The following KIAA0825 variants were observed in gnomAD, a reference collection of about 807,000 sequenced individuals.
KIAA0825 encodes the protein KIAA0825.
In KIAA0825, 119 loss-of-function variants were observed where a neutral mutation model predicts 147.6. The observed-to-expected ratio is 0.81, with a 90% CI of 0.69 to 0.94. The LOEUF is 0.94. Among genes scored for constraint, KIAA0825 ranks in the 40% least tolerant of loss-of-function variants. The probability of loss-of-function intolerance (pLI) is 0.00; values close to 1 mark genes in which losing one functional copy is unlikely to be tolerated. For synonymous variants in KIAA0825, 470 were observed against 518.1 expected (o/e 0.91, Z 1.26); for missense variants, 1,381 against 1,472.7 (o/e 0.94, Z 1.02).
At chr5:94,613,463 T>G (rs1271623884) in intron 1 of KIAA0825, among the ~76,000 whole-genome samples, 1 of 152,218 alleles carries the variant, frequency 6.6e-6, no homozygotes, top group Non-Finnish European at 1.5e-5. Flanking sequence ...CCTCCCAAAG[T>G]GCTGGGATTA....
intron 1 of KIAA0825, among the ~76,000 whole-genome samples, chr5:94,591,758 G>GA (rs1160648858): frequency 1.3e-5 from 2 of 152,094 alleles, no homozygotes; most frequent in African/African-American, 4.8e-5. Context: ...AATTTATAAA[G>GA]AAAAATAGGT....
At chr5:94,414,468 G>A (rs183422769) in intron 15 of KIAA0825, 2 of 152,190 alleles carry the variant, frequency 1.3e-5, no homozygotes, top group East Asian at 3.9e-4. Flanking sequence ...CCCACATTAG[G>A]TCACTGACTT....
intron 3 of KIAA0825, among the ~76,000 whole-genome samples, chr5:94,529,721 T>G (rs895848946): frequency 6.6e-6 from 1 of 152,110 alleles, no homozygotes; most frequent in Admixed American, 6.6e-5. Context: ...TGTGTTACTT[T>G]TATAATGCAA....
chr5:94,530,833 C>T (rs1232283770), intron 3 of KIAA0825, among the ~76,000 whole-genome samples: 1 of 152,086 alleles, frequency 6.6e-6, no homozygotes, highest in Non-Finnish European at 1.5e-5. Context: ...CATCAAGGGT[C>T]GGGGCTTACT....
intron 20 of KIAA0825, among the ~76,000 whole-genome samples, chr5:94,276,896 T>C (rs889664743): frequency 1.2e-4 from 18 of 152,058 alleles, no homozygotes; most frequent in Non-Finnish European, 1.9e-4. Context: ...AGAATTCTTT[T>C]CCTAAGCACA....
intron 17 of KIAA0825, among the ~76,000 whole-genome samples, chr5:94,392,811 T>C (rs1352833565): frequency 6.6e-6 from 1 of 152,134 alleles, no homozygotes; most frequent in Non-Finnish European, 1.5e-5. Context: ...AAAACATCCT[T>C]CTCAGAAAAG....
chr5:94,569,202 G>A, intron 2 of KIAA0825: 1 of 216,106 alleles, frequency 4.6e-6, no homozygotes, highest in Non-Finnish European at 9.1e-6. Context: ...CACTTACCAA[G>A]ACCTCAATCC....
Position 94,386,733 on chromosome 5 carries a change from T to C in KIAA0825, c.3457-329A>G, listed in dbSNP as rs537510778. On this transcript the variant is annotated intron_variant, in intron 18 of 20. Coordinates refer to ENST00000682413, the MANE Select transcript of KIAA0825 (RefSeq NM_001145678.3). Reference sequence around the variant, plus strand: ...TGGTTCACATATTAACGTGTCTGGTTACCAAAACTTAACTCATCTGCATGA... The same window carrying C: ...TGGTTCACATATTAACGTGTCTGGTCACCAAAACTTAACTCATCTGCATGA... 1.2e-3 allele frequency among the ~76,000 whole-genome samples: 179 copies of C among 152,332 alleles called. 1 individual carries two copies. Among genetic ancestry groups the C allele is most frequent in the African/African-American group, 4.0e-3 (166 of 41,580 alleles).
At chr5:94,448,550 A>G (rs942303063) in intron 13 of KIAA0825, among the ~76,000 whole-genome samples, 25 of 152,178 alleles carry the variant, frequency 1.6e-4, no homozygotes, top group Non-Finnish European at 3.4e-4. Context: ...AGGTACAAAT[A>G]AGTAAGCAAA....
intron 20 of KIAA0825, among the ~76,000 whole-genome samples, chr5:94,231,063 T>C (rs1774650404): frequency 6.6e-6 from 1 of 152,120 alleles, no homozygotes; most frequent in Non-Finnish European, 1.5e-5. Flanking sequence ...AACACATATG[T>C]TTACCCAATA....
intron 14 of KIAA0825, among the ~76,000 whole-genome samples, chr5:94,418,769 C>G (rs1313686491): frequency 6.6e-6 from 1 of 151,976 alleles, no homozygotes; most frequent in Non-Finnish European, 1.5e-5. Context: ...TAGTAAGAAA[C>G]AGAATTAAGA....
At chr5:94,315,964 G>A (rs900261511) in intron 20 of KIAA0825, among the ~76,000 whole-genome samples, 18 of 151,656 alleles carry the variant, frequency 1.2e-4, no homozygotes, top group South Asian at 4.2e-4. Context: ...CTTTAATTTT[G>A]AGTTAAGCCA....
At chr5:94,591,165 AAG>A (rs1412294769) in intron 1 of KIAA0825, among the ~76,000 whole-genome samples, 3 of 152,254 alleles carry the variant, frequency 2.0e-5, no homozygotes, top group African/African-American at 7.2e-5. Context: ...AGACAGATGA[AAG>A]AGAATTCACA....
chr5:94,273,661 C>A (rs925477196), intron 20 of KIAA0825, among the ~76,000 whole-genome samples: 1 of 152,020 alleles, frequency 6.6e-6, no homozygotes, highest in Non-Finnish European at 1.5e-5. Context: ...TACAGCTCAG[C>A]GAATTTCTTA....
At chr5:94,192,930 T>G (rs1441121460) in intron 20 of KIAA0825, among the ~76,000 whole-genome samples, 3 of 152,216 alleles carry the variant, frequency 2.0e-5, no homozygotes, top group Non-Finnish European at 4.4e-5. Flanking sequence ...CGCAGTTCCC[T>G]TCTCACTTCC....
rs56256662 is a variant in KIAA0825, at chr5:94,564,537, AGTGTGTGT to A, written c.-2+17888_-2+17895del. ...CATGAGCCACCATGCCTTATTTTTG[AGTGTGTGT>A]GTGTGTGTGTGTGTGTGTGTGTGTG... On this transcript the variant is annotated intron_variant, in intron 2 of 20. Coordinates refer to ENST00000682413, the MANE Select transcript of KIAA0825 (RefSeq NM_001145678.3). Among the ~76,000 whole-genome samples the A allele has an allele frequency of 1.0e-2, 328 of 32,918 alleles. 30 individuals carry two copies. The highest frequency in any genetic ancestry group is 0.045 in the African/African-American group (260 of 5,754). The allele number at this position is 32,918 out of a possible 152,430, so 21.6% of individuals were successfully genotyped here.
At chr5:94,472,630 G>A (rs559431163) in intron 8 of KIAA0825, among the ~76,000 whole-genome samples, 53 of 152,090 alleles carry the variant, frequency 3.5e-4, no homozygotes, top group Non-Finnish European at 6.3e-4. Flanking sequence ...TTTAGTCCCA[G>A]CTACTCGGGA....
chr5:94,479,443 C>T (rs535469313), intron 6 of KIAA0825, among the ~76,000 whole-genome samples: 2 of 152,106 alleles, frequency 1.3e-5, no homozygotes, highest in East Asian at 1.9e-4. Flanking sequence ...TTCTTTTTAT[C>T]GATGAATAAT....
chr5:94,431,738 C>G (rs1369101977), intron 14 of KIAA0825, among the ~76,000 whole-genome samples: 1 of 152,220 alleles, frequency 6.6e-6, no homozygotes, highest in Non-Finnish European at 1.5e-5. Context: ...TGAAAAGGCA[C>G]TGGTATTAGA....
Sources: gnomAD v4.1 joint callset for allele counts (sites outside exome capture counted in the v4.1 genomes callset) on GRCh38, gnomAD v4.1.1 for gene constraint, MANE v1.5 for transcripts, NCBI Gene and HGNC (gene_info 2026-07-23, HGNC 2026-07-21) for gene names.